The following ST18 variants were observed in gnomAD, a reference collection of about 807,000 sequenced individuals.
The protein encoded by ST18 is ST18 C2H2C-type zinc finger transcription factor.
In ST18, 50 loss-of-function variants were observed where a neutral mutation model predicts 110.0. The observed-to-expected ratio is 0.45, with a 90% CI of 0.36 to 0.58. The LOEUF is 0.58. Ranked by LOEUF, ST18 falls within the 20% of genes least tolerant of loss-of-function variation. ST18 has a pLI of 0.00. For missense variants in ST18, 1,306 were observed against 1,280.1 expected (o/e 1.02, Z -0.31); for synonymous variants, 461 against 452.4 (o/e 1.02, Z -0.24).
chr8:52,274,269 T>C (rs2095166634), intron 2 of ST18, among the ~76,000 whole-genome samples: 1 of 152,136 alleles, frequency 6.6e-6, no homozygotes, highest in African/African-American at 2.4e-5. Context: ...TACACAGAAT[T>C]CCTTTAGAAG....
intron 10 of ST18, among the ~76,000 whole-genome samples, chr8:52,170,721 G>A (rs2064637396): frequency 6.6e-6 from 1 of 152,098 alleles, no homozygotes; most frequent in South Asian, 2.1e-4. Flanking sequence ...TCCAACCCTT[G>A]CAGGATGTTT....
At chr8:52,267,274 G>A (rs1471821163) in intron 2 of ST18, among the ~76,000 whole-genome samples, 1 of 151,920 alleles carries the variant, frequency 6.6e-6, no homozygotes, top group African/African-American at 2.4e-5. Flanking sequence ...GGTATTAGGA[G>A]GGTGAGAAAG....
At chr8:52,341,581 C>T (rs1355554913) in intron 2 of ST18, among the ~76,000 whole-genome samples, 1 of 152,242 alleles carries the variant, frequency 6.6e-6, no homozygotes, top group East Asian at 1.9e-4. Context: ...AAGGTCATCA[C>T]AAGGGTCCTT....
chr8:52,274,949 T>A (rs1347938035), intron 2 of ST18, among the ~76,000 whole-genome samples: 1 of 152,216 alleles, frequency 6.6e-6, no homozygotes, highest in South Asian at 2.1e-4. Context: ...TACAGAACAT[T>A]GTTTATATTT....
At chr8:52,329,219 A>ATG (rs71252933) in intron 2 of ST18, among the ~76,000 whole-genome samples, 5,070 of 131,638 alleles carry the variant, frequency 0.039, 123 homozygotes, top group Non-Finnish European at 0.047. Context: ...GCATGTATTT[A>ATG]TGTGTGTGTG....
intron 2 of ST18, among the ~76,000 whole-genome samples, chr8:52,258,993 G>A: frequency 6.6e-6 from 1 of 152,142 alleles, no homozygotes; most frequent in East Asian, 1.9e-4. Flanking sequence ...AGCCTCTTGT[G>A]TGAGACCTGT....
intron 2 of ST18, among the ~76,000 whole-genome samples, chr8:52,344,019 CCCT>C (rs1816474431): frequency 6.6e-6 from 1 of 152,050 alleles, no homozygotes. Context: ...TAAAATAATT[CCCT>C]CATTTATTAT....
chr8:52,399,785 GA>G (rs1464693502), intron 2 of ST18, among the ~76,000 whole-genome samples: 1 of 151,904 alleles, frequency 6.6e-6, no homozygotes, highest in African/African-American at 2.4e-5. Flanking sequence ...GTTGTGGTTG[GA>G]AAAAAATGGT....
intron 9 of ST18, among the ~76,000 whole-genome samples, chr8:52,176,860 T>A (rs2134016208): frequency 6.6e-6 from 1 of 152,372 alleles, no homozygotes; most frequent in East Asian, 1.9e-4. Context: ...CTAGCTAGGT[T>A]ACTTTTATAG....
At chr8:52,242,431 C>T (rs2093496964) in intron 2 of ST18, among the ~76,000 whole-genome samples, 1 of 152,230 alleles carries the variant, frequency 6.6e-6, no homozygotes, top group Admixed American at 6.5e-5. Context: ...AGGCAAATGG[C>T]ATGGCTCTCC....
intron 16 of ST18, among the ~76,000 whole-genome samples, chr8:52,146,508 ATTAC>A (rs749629969): frequency 4.0e-5 from 6 of 149,160 alleles, no homozygotes; most frequent in African/African-American, 7.5e-5. Context: ...TTCCAGGCCT[ATTAC>A]TTAATTTCAT....
At position 52,392,656 on chromosome 8, in the gene ST18, G is replaced by A. The variant is rs569613396; in HGVS notation, c.-465+16672C>T. Among the ~76,000 whole-genome samples the A allele has an allele frequency of 2.0e-5, 3 of 152,316 alleles. No homozygotes were observed. In the South Asian group the frequency reaches 6.2e-4, roughly 32 times the overall value. On this transcript the variant is annotated intron_variant, in intron 2 of 25. Coordinates refer to ENST00000689386, the MANE Select transcript of ST18 (RefSeq NM_001352837.2). ...ATTTATTGAAACAGTTTTACGGAAA[G>A]TACACTCCACAGAGTGGTGGCAGCC...
chr8:52,115,651 T>G (rs1471656359), intron 25 of ST18, among the ~76,000 whole-genome samples: 1 of 152,218 alleles, frequency 6.6e-6, no homozygotes, highest in Non-Finnish European at 1.5e-5. Flanking sequence ...GAAAGTTCAC[T>G]GTATGATGTT....
chr8:52,376,441 C>T (rs774723380), intron 2 of ST18, among the ~76,000 whole-genome samples: 22 of 152,204 alleles, frequency 1.4e-4, no homozygotes, highest in Admixed American at 2.6e-4. Context: ...AATCTTTGTG[C>T]AAACCTCACC....
chr8:52,177,229 A>G (rs1038469621), intron 9 of ST18, among the ~76,000 whole-genome samples: 5 of 152,328 alleles, frequency 3.3e-5, no homozygotes, highest in Admixed American at 3.3e-4. Context: ...AGGTAACTGC[A>G]TGGTTTGTCC....
chr8:52,403,089 C>G (rs1029047124), intron 2 of ST18, among the ~76,000 whole-genome samples: 5 of 152,058 alleles, frequency 3.3e-5, no homozygotes, highest in African/African-American at 1.2e-4. Context: ...GTCCAAGTAG[C>G]TGGGGCTGGG....
intron 9 of ST18, among the ~76,000 whole-genome samples, chr8:52,176,033 T>G (rs1206668387): frequency 2.0e-5 from 3 of 152,144 alleles, no homozygotes; most frequent in Non-Finnish European, 4.4e-5. Context: ...AACTCTTTTT[T>G]TTTTTTTAGA....
chr8:52,350,814 G>A (rs536332649), intron 2 of ST18, among the ~76,000 whole-genome samples: 9 of 151,840 alleles, frequency 5.9e-5, no homozygotes, highest in East Asian at 1.9e-4. Context: ...TCTGCCTCCC[G>A]GGTTCAAGCA....
intron 24 of ST18, among the ~76,000 whole-genome samples, chr8:52,117,915 T>C (rs1400673986): frequency 6.6e-6 from 1 of 152,214 alleles, no homozygotes; most frequent in Non-Finnish European, 1.5e-5. Flanking sequence ...AAGAAAATAT[T>C]CAGTAAGATC....
Sources: gnomAD v4.1 joint callset for allele counts (sites outside exome capture counted in the v4.1 genomes callset) on GRCh38, gnomAD v4.1.1 for gene constraint, MANE v1.5 for transcripts, NCBI Gene and HGNC (gene_info 2026-07-23, HGNC 2026-07-21) for gene names.